Variants in LARP1 observed in about 807,000 individuals in gnomAD.
The protein encoded by LARP1 is La ribonucleoprotein 1, translational regulator, also known as la-related protein 1.
A neutral mutation model predicts 122.7 loss-of-function variants in LARP1; 36 were observed. The observed-to-expected ratio is 0.29, with a 90% confidence interval of 0.22 to 0.39. LARP1 has a LOEUF of 0.39. Ranked by LOEUF, LARP1 falls within the 10% of genes least tolerant of loss-of-function variation. The pLI, the probability that LARP1 is intolerant of heterozygous loss-of-function variation, is 1.00. For missense variants in LARP1, 1,040 were observed against 1,403.6 expected, an observed-to-expected ratio of 0.74 and a Z score of 4.14; for synonymous variants, 539 against 528.7, an observed-to-expected ratio of 1.02 and a Z score of -0.27.
chr5:154,774,561 C>T (rs921357347), intron 1 of LARP1, among the ~76,000 whole-genome samples: 2 of 152,170 alleles, frequency 1.3e-5, no homozygotes, highest in South Asian at 2.1e-4. Flanking sequence ...TTGGATATAA[C>T]GGGTTGGTAC....
chr5:154,780,557 G>T (rs1756341972), intron 1 of LARP1, among the ~76,000 whole-genome samples: 1 of 152,198 alleles, frequency 6.6e-6, no homozygotes. Context: ...TGATGTTCCA[G>T]TGCCAGCTCT....
At chr5:154,701,211 A>G (rs1561533669) in intron 1 of LARP1, among the ~76,000 whole-genome samples, 5 of 152,264 alleles carry the variant, frequency 3.3e-5, no homozygotes, top group Admixed American at 2.0e-4. Flanking sequence ...CCTGGGCCCT[A>G]TAAAACAGGT....
At chr5:154,772,980 CTTTTTTTTTTTT>C (rs545991732) in intron 1 of LARP1, among the ~76,000 whole-genome samples, 4 of 115,110 alleles carry the variant, frequency 3.5e-5, no homozygotes, top group Non-Finnish European at 5.2e-5. Context: ...CGCACCTGGC[CTTTTTTTTTTTT>C]TTTTTTTTTT....
Position 154,800,038 on chromosome 5 carries a change from C to T in LARP1, c.1712C>T (p.Pro571Leu). The T allele has an allele frequency of 1.2e-6, 2 of 1,613,156 alleles. No individual in the cohort carries two copies. Among genetic ancestry groups the T allele is most frequent in the Non-Finnish European group, 1.7e-6 (2 of 1,179,788 alleles). Residue 571 changes from proline (P) to leucine (L), a missense_variant, in exon 10 of 19, where the codon CCC (proline) becomes CTC (leucine). Pro to Leu is a moderately conservative substitution (Grantham distance 98). Coordinates refer to ENST00000518297, the MANE Select transcript of LARP1 (RefSeq NM_033551.3). ...KKRPRPSPAR[P>L]KKSEESRFSH... is the part of the protein sequence containing the mutation. The stretch of plus-strand genomic sequence containing the variant: ...AGGCCTCGGCCATCCCCAGCACGGC[C>T]CAAGGTGGGTGAGGCCTTGTCCCTT...
chr5:154,777,604 A>C lies in LARP1; in HGVS notation c.437-12721A>C, dbSNP rs548791258. 4.3e-4 allele frequency among the ~76,000 whole-genome samples: 65 copies of C among 152,346 alleles called. No homozygotes were observed. The East Asian group carries it at 0.011, about 26-fold the overall frequency. On this transcript the variant is annotated intron_variant, in intron 1 of 18. Coordinates refer to ENST00000518297, the MANE Select transcript of LARP1 (RefSeq NM_033551.3). ...TTCATACCCCCTGCTTCACTTTACT[A>C]GCCTTAAAATATTTTTAAAGATTTT...
At chr5:154,701,570 C>CAATGAGACTCA (rs1306132273) in intron 1 of LARP1, among the ~76,000 whole-genome samples, 2 of 151,658 alleles carry the variant, frequency 1.3e-5, no homozygotes, top group African/African-American at 4.9e-5. Context: ...CAGTTACAGC[C>CAATGAGACTCA]AATGAGACTC....
chr5:154,761,730 G>A (rs187008691), intron 1 of LARP1, among the ~76,000 whole-genome samples: 53 of 152,260 alleles, frequency 3.5e-4, no homozygotes, highest in South Asian at 6.2e-4. Context: ...TTGGTACCTC[G>A]CTGGTGAAAA....
intron 1 of LARP1, among the ~76,000 whole-genome samples, chr5:154,778,237 G>A (rs1479322936): frequency 6.8e-6 from 1 of 148,060 alleles, no homozygotes; most frequent in African/African-American, 2.5e-5. Context: ...TCTAGCCTGG[G>A]CCACAGAGCG....
intron 1 of LARP1, among the ~76,000 whole-genome samples, chr5:154,764,109 G>A (rs1207542857): frequency 6.6e-6 from 1 of 151,954 alleles, no homozygotes; most frequent in African/African-American, 2.4e-5. Context: ...AGGAGTTCAA[G>A]ACCAGCCTGG....
chr5:154,813,364 G>A (rs1759442506), intron 18 of LARP1, among the ~76,000 whole-genome samples: 1 of 152,180 alleles, frequency 6.6e-6, no homozygotes. Flanking sequence ...GGTAAGGCCA[G>A]TCTGGAGCAT....
intron 1 of LARP1, among the ~76,000 whole-genome samples, chr5:154,737,346 G>A (rs1756957087): frequency 6.6e-6 from 1 of 150,860 alleles, no homozygotes; most frequent in Non-Finnish European, 1.5e-5. Flanking sequence ...TGGCCAATGT[G>A]TTGTTTTAAT....
intron 1 of LARP1, among the ~76,000 whole-genome samples, chr5:154,775,295 G>A (rs913762687): frequency 6.6e-6 from 1 of 152,022 alleles, no homozygotes; most frequent in Admixed American, 6.5e-5. Flanking sequence ...GTGAGACCTC[G>A]TATCTAAAAA....
At chr5:154,758,276 T>A (rs934463844) in intron 1 of LARP1, among the ~76,000 whole-genome samples, 5 of 152,122 alleles carry the variant, frequency 3.3e-5, no homozygotes, top group African/African-American at 7.2e-5. Context: ...GCATCTCACC[T>A]TTTCCTCTGA....
At chr5:154,731,684 T>C (rs1756575533) in intron 1 of LARP1, among the ~76,000 whole-genome samples, 1 of 152,078 alleles carries the variant, frequency 6.6e-6, no homozygotes, top group Non-Finnish European at 1.5e-5. Context: ...GGTTAAGTAA[T>C]AGTCCCACTG....
intron 1 of LARP1, among the ~76,000 whole-genome samples, chr5:154,760,980 A>G (rs1373503820): frequency 6.6e-6 from 1 of 152,228 alleles, no homozygotes; most frequent in Non-Finnish European, 1.5e-5. Context: ...TTAACTGTGT[A>G]ACTGGATATA....
At chr5:154,704,221 G>A (rs957575239) in intron 1 of LARP1, among the ~76,000 whole-genome samples, 3 of 152,224 alleles carry the variant, frequency 2.0e-5, no homozygotes, top group Non-Finnish European at 2.9e-5. Flanking sequence ...GGAAAAGTTC[G>A]TGGTGTTAAT....
At position 154,692,988 on chromosome 5, in the gene LARP1, A is replaced by ATTTT. The variant is rs113484244; in HGVS notation, c.-180+9953_-180+9954insTTTT. 1.5e-3 allele frequency among the ~76,000 whole-genome samples: 220 copies of ATTTT among 142,010 alleles called. 4 individuals are homozygous for ATTTT. Among genetic ancestry groups the ATTTT allele is most frequent in the African/African-American group, 4.3e-3 (156 of 36,436 alleles). The allele number at this position is 142,010 out of a possible 152,430, so 93.2% of individuals were successfully genotyped here. ...CATACCCAGCTAATTTTAATTTTTA[A>ATTTT]TTATTTTTTTTTTTTTTGTAGAGAC... On this transcript the variant is annotated intron_variant, in intron 1 of 18. Transcript: ENST00000687700.
At chr5:154,797,765 T>A (rs1411031179) in intron 8 of LARP1, among the ~76,000 whole-genome samples, 1 of 151,808 alleles carries the variant, frequency 6.6e-6, no homozygotes, top group Non-Finnish European at 1.5e-5. Context: ...CATGGCTTAC[T>A]GCAGCCTCAA....
At chr5:154,769,312 CCTT>C (rs1167286247) in intron 1 of LARP1, among the ~76,000 whole-genome samples, 1 of 152,168 alleles carries the variant, frequency 6.6e-6, no homozygotes, top group Non-Finnish European at 1.5e-5. Context: ...TCTTGTAGGC[CCTT>C]GAGTTTGCCA....
Sources: allele counts gnomAD v4.1 joint callset (sites outside exome capture counted in the v4.1 genomes callset), GRCh38; gene constraint gnomAD v4.1.1; transcripts MANE v1.5; gene names NCBI Gene and HGNC (gene_info 2026-07-23, HGNC 2026-07-21).